The following MYO3B variants were observed in gnomAD, a reference collection of about 807,000 sequenced individuals.
MYO3B encodes myosin-IIIb.
A neutral mutation model predicts 174.6 loss-of-function variants in MYO3B; 156 were observed. That is an observed-to-expected ratio of 0.89 (90% confidence interval 0.78 to 1.02). The LOEUF is 1.02. Among genes scored for constraint, MYO3B ranks in the 50% least tolerant of loss-of-function variants. The pLI, the probability that MYO3B is intolerant of heterozygous loss-of-function variation, is 0.00. For missense variants in MYO3B, 1,632 were observed against 1,639.4 expected (o/e 1.00, Z 0.08); for synonymous variants, 563 against 569.1 (o/e 0.99, Z 0.15).
At chr2:170,429,519 G>A (rs16858435) in intron 22 of MYO3B, among the ~76,000 whole-genome samples, 1,705 of 152,270 alleles carry the variant, frequency 0.011, 30 homozygotes, top group African/African-American at 0.039. Context: ...ATTTTCACTG[G>A]AAGGGAGTGG....
At position 170,526,528 on chromosome 2, in the gene MYO3B, TC is replaced by T. The variant is rs560462416; in HGVS notation, c.3575+6990del. 5.3e-5 allele frequency among the ~76,000 whole-genome samples: 8 copies of T among 152,342 alleles called. No individual in the cohort carries two copies. In the East Asian group the frequency reaches 1.5e-3, roughly 29 times the overall value. ...AGAGACAAATTTTATTTTCTTGTAT[TC>T]CTGGCTCCTATCTCAGGAATGAATC... On this transcript the variant is annotated intron_variant, in intron 30 of 34. Coordinates refer to ENST00000408978, the MANE Select transcript of MYO3B (RefSeq NM_138995.5).
intron 6 of MYO3B, among the ~76,000 whole-genome samples, chr2:170,224,628 C>G (rs749165277): frequency 6.6e-6 from 1 of 151,964 alleles, no homozygotes; most frequent in African/African-American, 2.4e-5. Flanking sequence ...CATTAAGGAT[C>G]TAGTATATGC....
chr2:170,288,061 A>G (rs1007860078), intron 7 of MYO3B, among the ~76,000 whole-genome samples: 3 of 151,966 alleles, frequency 2.0e-5, no homozygotes, highest in Non-Finnish European at 4.4e-5. Context: ...TGGGTTCTCT[A>G]TTCTGTTCCA....
At chr2:170,652,936 A>G in intron 34 of MYO3B, 47 bp from the exon 35 acceptor site, 1 of 1,609,618 alleles carries the variant, frequency 6.2e-7, no homozygotes. Context: ...TGATTGTAAC[A>G]TTTGTTTTAT....
chr2:170,471,572 T>G (rs372232330), intron 25 of MYO3B, among the ~76,000 whole-genome samples: 11 of 152,334 alleles, frequency 7.2e-5, no homozygotes, highest in African/African-American at 2.4e-4. Flanking sequence ...TTTAATTTTT[T>G]GTATGGTGTA....
chr2:170,489,240 GT>G (rs1274756988), intron 25 of MYO3B, among the ~76,000 whole-genome samples: 1 of 152,162 alleles, frequency 6.6e-6, no homozygotes, highest in Admixed American at 6.5e-5. Flanking sequence ...ATGATTTTAA[GT>G]TCCCCCTCAG....
intron 9 of MYO3B, among the ~76,000 whole-genome samples, chr2:170,377,007 T>C (rs2094298553): frequency 6.6e-6 from 1 of 152,112 alleles, no homozygotes; most frequent in Non-Finnish European, 1.5e-5. Flanking sequence ...GTGAAGTTCT[T>C]GCAGCTCTGT....
At chr2:170,279,034 C>A (rs1304662609) in intron 7 of MYO3B, among the ~76,000 whole-genome samples, 1 of 152,038 alleles carries the variant, frequency 6.6e-6, no homozygotes, top group Non-Finnish European at 1.5e-5. Context: ...TTTATTCATT[C>A]ATCTGTTGAC....
At chr2:170,335,758 A>G (rs2093943489) in intron 8 of MYO3B, among the ~76,000 whole-genome samples, 1 of 152,178 alleles carries the variant, frequency 6.6e-6, no homozygotes, top group African/African-American at 2.4e-5. Context: ...GAAACATCTA[A>G]AAATCTGATG....
chr2:170,539,364 C>T (rs1689933528), intron 30 of MYO3B, among the ~76,000 whole-genome samples: 1 of 152,202 alleles, frequency 6.6e-6, no homozygotes, highest in Non-Finnish European at 1.5e-5. Context: ...GGAAAAAATA[C>T]ATCCTGGGTG....
chr2:170,467,649 C>T (rs1011133515), intron 25 of MYO3B, among the ~76,000 whole-genome samples: 1 of 151,940 alleles, frequency 6.6e-6, no homozygotes, highest in African/African-American at 2.4e-5. Context: ...ATTGTAGAAT[C>T]TGCCTCACTC....
intron 29 of MYO3B, among the ~76,000 whole-genome samples, chr2:170,516,393 G>A (rs1363449612): frequency 2.0e-5 from 3 of 151,770 alleles, no homozygotes; most frequent in Non-Finnish European, 2.9e-5. Flanking sequence ...TGTAATCCCA[G>A]CACTTTGGGA....
chr2:170,274,090 G>A (rs960979180), intron 7 of MYO3B, among the ~76,000 whole-genome samples: 1 of 139,262 alleles, frequency 7.2e-6, no homozygotes, highest in Admixed American at 6.9e-5. Flanking sequence ...AGCAAACTAC[G>A]AGAGAGAGAG....
chr2:170,569,857 T>A lies in MYO3B; in HGVS notation c.3733+25869T>A, dbSNP rs529589481. 6.6e-5 allele frequency among the ~76,000 whole-genome samples: 9 copies of A among 135,350 alleles called. No homozygotes were observed. The South Asian group carries it at 2.2e-3, about 33-fold the overall frequency. 88.8% of individuals were successfully genotyped at this position (135,350 alleles called of 152,430 possible). ...GCCTGGGCGACAGAGCAAGGCTCTA[T>A]CTCGAAAAAAAAAAAAAAAAAAAGT... On this transcript the variant is annotated intron_variant, in intron 32 of 34. Coordinates refer to ENST00000408978, the MANE Select transcript of MYO3B (RefSeq NM_138995.5).
Position 170,402,976 on chromosome 2 carries a change from A to G in MYO3B, c.2258A>G (p.His753Arg), listed in dbSNP as rs2094487749. 6.2e-7 allele frequency: 1 copy of G among 1,602,798 alleles called. No homozygotes were observed. Among genetic ancestry groups the G allele is most frequent in the African/African-American group, 1.3e-5 (1 of 74,826 alleles). Residue 753 changes from histidine (H) to arginine (R), a missense_variant, in exon 19 of 35, where the codon CAT (histidine) becomes CGT (arginine). By Grantham distance (29) the His-to-Arg change is conservative (BLOSUM62 0). Transcript: ENST00000408978. ...NEQIQYYFNQ[H>R]VFALEQMEYQ... ...CAAATCCAGTACTATTTCAATCAGC[A>G]TGTTTTTGCTCTTGAGCAGGTAATA...
chr2:170,279,529 T>C (rs1193756034), intron 7 of MYO3B, among the ~76,000 whole-genome samples: 1 of 152,060 alleles, frequency 6.6e-6, no homozygotes. Flanking sequence ...ACTTGTGTCA[T>C]GGGGGTTTGT....
intron 6 of MYO3B, among the ~76,000 whole-genome samples, chr2:170,220,396 G>A (rs541824422): frequency 2.6e-5 from 4 of 151,836 alleles, no homozygotes; most frequent in South Asian, 2.1e-4. Flanking sequence ...TTTGGAAGGC[G>A]GAGGCAGGCG....
At chr2:170,468,070 A>G (rs1453769128) in intron 25 of MYO3B, among the ~76,000 whole-genome samples, 1 of 152,266 alleles carries the variant, frequency 6.6e-6, no homozygotes, top group Non-Finnish European at 1.5e-5. Context: ...TCAGAAAGCC[A>G]TTAGGCAAGT....
intron 22 of MYO3B, among the ~76,000 whole-genome samples, chr2:170,410,717 A>G (rs183338122): frequency 3.6e-4 from 54 of 151,856 alleles, no homozygotes; most frequent in African/African-American, 1.3e-3. Context: ...GACCCCTAAG[A>G]GATGTTGGCA....
Sources: allele counts gnomAD v4.1 joint callset (sites outside exome capture counted in the v4.1 genomes callset), GRCh38; gene constraint gnomAD v4.1.1; transcripts MANE v1.5; gene names NCBI Gene and HGNC (gene_info 2026-07-23, HGNC 2026-07-21).